Variants in ACMSD observed in about 807,000 individuals in gnomAD.
The protein encoded by ACMSD is aminocarboxymuconate semialdehyde decarboxylase.
A neutral mutation model predicts 45.9 loss-of-function variants in ACMSD; 37 were observed. The ratio of observed to expected loss-of-function variants is 0.81; its 90% CI spans 0.62 to 1.06. The LOEUF (loss-of-function observed/expected upper bound fraction) is 1.06, where lower values mean the gene tolerates loss of function less well. ACMSD is among the 50% of genes least tolerant of loss of function. The pLI is 0.00. For synonymous variants in ACMSD, 138 were observed against 148.8 expected (o/e 0.93, Z 0.53); for missense variants, 434 against 420.9 (o/e 1.03, Z -0.27).
At chr2:134,845,106 T>C (rs1686989027) in intron 1 of ACMSD, 127 bp from the exon 2 acceptor site, 7 of 868,386 alleles carry the variant, frequency 8.1e-6, no homozygotes, top group South Asian at 1.4e-5. Flanking sequence ...AGGCGATACA[T>C]GGGTATGGGG....
At chr2:134,852,285 A>C (rs372376211) in intron 2 of ACMSD, among the ~76,000 whole-genome samples, 18 of 152,130 alleles carry the variant, frequency 1.2e-4, no homozygotes, top group South Asian at 4.1e-4. Context: ...GGGATTTGTA[A>C]GTTTACTCTG....
chr2:134,850,428 C>T (rs923916419), intron 2 of ACMSD, among the ~76,000 whole-genome samples: 1 of 151,910 alleles, frequency 6.6e-6, no homozygotes, highest in Non-Finnish European at 1.5e-5. Flanking sequence ...GCCACCACAC[C>T]CAGCTAATTT....
In ACMSD at chr2:134,867,548, CCTCT is replaced by C. The variant is rs138317668; in HGVS notation, c.487-19_487-16del. The C allele has an allele frequency of 5.3e-3, 7,828 of 1,472,590 alleles. 41 individuals are homozygous for C. Among genetic ancestry groups the C allele is most frequent in the South Asian group, 8.9e-3 (753 of 84,944 alleles). The allele number at this position is 1,472,590 out of a possible 1,614,324, so 91.2% of individuals were successfully genotyped here. On this transcript the variant is annotated intron_variant, in intron 5 of 9. Coordinates refer to ENST00000356140, the MANE Select transcript of ACMSD (RefSeq NM_138326.3). ...GTATCTGCTCACTCATCAAAGTAAC[CCTCT>C]CTCTCTCTCTCATTGCTTCTTTGAA...
intron 5 of ACMSD, among the ~76,000 whole-genome samples, chr2:134,866,438 A>C (rs3814358): frequency 0.58 from 88,641 of 151,970 alleles, 27,548 homozygotes; most frequent in Middle Eastern, 0.91. Context: ...TCTTTCCAAC[A>C]GGCACCTATT....
chr2:134,898,513 T>C, intron 9 of ACMSD, 74 bp downstream of exon 9: 2 of 984,670 alleles, frequency 2.0e-6, no homozygotes, highest in Non-Finnish European at 2.9e-6. Flanking sequence ...CAGAGCACTT[T>C]GATATATAAA....
intron 8 of ACMSD, among the ~76,000 whole-genome samples, chr2:134,896,231 CTT>C (rs1690140325): frequency 6.6e-6 from 1 of 152,180 alleles, no homozygotes; most frequent in Non-Finnish European, 1.5e-5. Flanking sequence ...ATCTTTGTGA[CTT>C]TGGGTTAGGC....
At chr2:134,844,044 C>T (rs1559037187) in intron 1 of ACMSD, among the ~76,000 whole-genome samples, 1 of 152,222 alleles carries the variant, frequency 6.6e-6, no homozygotes, top group Non-Finnish European at 1.5e-5. Flanking sequence ...TTTATTTTCT[C>T]TGCCCTAGTA....
intron 8 of ACMSD, among the ~76,000 whole-genome samples, chr2:134,879,113 T>A (rs1033109960): frequency 6.6e-6 from 1 of 152,348 alleles, no homozygotes; most frequent in Admixed American, 6.5e-5. Flanking sequence ...AATCCGTATC[T>A]TAACTTTAGC....
intron 8 of ACMSD, among the ~76,000 whole-genome samples, chr2:134,876,840 G>A (rs1165487119): frequency 6.6e-6 from 1 of 152,028 alleles, no homozygotes; most frequent in African/African-American, 2.4e-5. Context: ...GGAATGCAGT[G>A]GCATGATCTC....
chr2:134,840,182 A>C (rs1292026588), intron 1 of ACMSD, among the ~76,000 whole-genome samples: 2 of 143,654 alleles, frequency 1.4e-5, no homozygotes, highest in Admixed American at 7.1e-5. Context: ...AAAAAAAAAA[A>C]AAAAAAAAAA....
chr2:134,886,252 T>TATTA (rs1559065965), intron 8 of ACMSD, among the ~76,000 whole-genome samples: 4 of 121,908 alleles, frequency 3.3e-5, no homozygotes, highest in African/African-American at 1.3e-4. Flanking sequence ...TATTATTTTT[T>TATTA]TTTTTTTTTT....
chr2:134,841,986 A>C (rs1200880966), intron 1 of ACMSD, among the ~76,000 whole-genome samples: 9 of 152,226 alleles, frequency 5.9e-5, no homozygotes, highest in Admixed American at 3.9e-4. Flanking sequence ...TGATGTCTTC[A>C]AGACATTAAC....
At chr2:134,856,074 A>G (rs1344331674) in intron 2 of ACMSD, among the ~76,000 whole-genome samples, 1 of 152,236 alleles carries the variant, frequency 6.6e-6, no homozygotes, top group Non-Finnish European at 1.5e-5. Context: ...CATTAATAAC[A>G]AATAACCATA....
chr2:134,855,435 T>G (rs556857810), intron 2 of ACMSD, among the ~76,000 whole-genome samples: 1 of 152,374 alleles, frequency 6.6e-6, no homozygotes, highest in South Asian at 2.1e-4. Flanking sequence ...CCTGTTTTTT[T>G]GCATCACGTA....
intron 8 of ACMSD, among the ~76,000 whole-genome samples, chr2:134,875,054 G>A (rs1482265640): frequency 6.6e-6 from 1 of 152,180 alleles, no homozygotes; most frequent in African/African-American, 2.4e-5. Flanking sequence ...AGGCTGGAGC[G>A]CAGTGGCGTG....
chr2:134,883,744 C>A (rs376440274), intron 8 of ACMSD, among the ~76,000 whole-genome samples: 1 of 152,244 alleles, frequency 6.6e-6, no homozygotes, highest in South Asian at 2.1e-4. Context: ...GTGATCCCCC[C>A]CACCTCAGCC....
chr2:134,860,101 A>G (rs915783958), intron 3 of ACMSD, among the ~76,000 whole-genome samples: 1 of 152,178 alleles, frequency 6.6e-6, no homozygotes, highest in African/African-American at 2.4e-5. Context: ...TATTTCTACT[A>G]AACATACAAA....
intron 4 of ACMSD, among the ~76,000 whole-genome samples, chr2:134,862,669 C>T (rs1687900121): frequency 6.6e-6 from 1 of 152,188 alleles, no homozygotes; most frequent in Non-Finnish European, 1.5e-5. Context: ...GTGAGTGACT[C>T]AGTCTTTGCC....
chr2:134,864,900 C>T (rs545561931), intron 5 of ACMSD, among the ~76,000 whole-genome samples: 1 of 152,188 alleles, frequency 6.6e-6, no homozygotes, highest in East Asian at 1.9e-4. Flanking sequence ...CTTTCTATAA[C>T]CAAACCTTCT....
Sources: gnomAD v4.1 joint callset for allele counts (sites outside exome capture counted in the v4.1 genomes callset) on GRCh38, gnomAD v4.1.1 for gene constraint, MANE v1.5 for transcripts, NCBI Gene and HGNC (gene_info 2026-07-23, HGNC 2026-07-21) for gene names.